MYOM1: variants seen among roughly 807,000 people sequenced by gnomAD.
The protein encoded by MYOM1 is myomesin-1.
MYOM1 carries 164 observed loss-of-function variants against 205.3 expected under a neutral mutation model. The observed-to-expected ratio is 0.80, with a 90% confidence interval of 0.70 to 0.91. The LOEUF is 0.91. MYOM1 is among the 40% of genes least tolerant of loss of function. The probability of loss-of-function intolerance (pLI) is 0.00; values close to 1 mark genes in which losing one functional copy is unlikely to be tolerated. For missense variants in MYOM1, 2,011 were observed against 2,127.3 expected (o/e 0.95, Z 1.08); for synonymous variants, 772 against 789.4 (o/e 0.98, Z 0.37).
At chr18:3,240,361 T>G in the MYOM1 span, among the ~76,000 whole-genome samples, 1 of 152,132 alleles carries the variant, frequency 6.6e-6, no homozygotes, top group Non-Finnish European at 1.5e-5. Flanking sequence ...AGGGATCCGG[T>G]GGGAGGTAAC....
chr18:3,176,303 A>C (rs1567951318), intron 5 of MYOM1, among the ~76,000 whole-genome samples, 169 bp from the exon 6 acceptor site: 5 of 152,214 alleles, frequency 3.3e-5, no homozygotes, highest in African/African-American at 1.2e-4. Context: ...GAAGTGCACC[A>C]GCAATACATC....
chr18:3,072,031 A>G, intron 36 of MYOM1, 142 bp from the exon 37 acceptor site: 1 of 752,970 alleles, frequency 1.3e-6, no homozygotes, highest in Non-Finnish European at 2.2e-6. Context: ...ATGCAAAAAA[A>G]GAAAATGATC....
the MYOM1 span, among the ~76,000 whole-genome samples, chr18:3,225,214 C>T: frequency 6.9e-6 from 1 of 144,818 alleles, no homozygotes; most frequent in Non-Finnish European, 1.5e-5. Context: ...GTCTCGATCT[C>T]CTGACCTCGT....
intron 11 of MYOM1, among the ~76,000 whole-genome samples, chr18:3,153,484 G>A (rs1045996803): frequency 1.4e-4 from 21 of 152,160 alleles, no homozygotes; most frequent in Non-Finnish European, 4.4e-5. Context: ...TTTTCACTAT[G>A]ACTAAGGCCA....
At chr18:3,084,947 A>T (rs2079132176) in intron 31 of MYOM1, 98 bp downstream of exon 31, 6 of 943,526 alleles carry the variant, frequency 6.4e-6, no homozygotes. Context: ...GACAAAAAAA[A>T]TCAGCATGAT....
chr18:3,076,507 T>C (rs1290862436), intron 34 of MYOM1, among the ~76,000 whole-genome samples: 1 of 152,160 alleles, frequency 6.6e-6, no homozygotes, highest in Non-Finnish European at 1.5e-5. Flanking sequence ...CTCTTTCTGT[T>C]ATGCTGTCTG....
chr18:3,139,930 C>T (rs745761971), intron 14 of MYOM1, among the ~76,000 whole-genome samples: 6 of 152,124 alleles, frequency 3.9e-5, no homozygotes, highest in East Asian at 1.9e-4. Context: ...CTGCAGAAAA[C>T]GCCTCCAAAT....
At chr18:3,160,449 G>A (rs907106884) in intron 10 of MYOM1, among the ~76,000 whole-genome samples, 14 of 152,154 alleles carry the variant, frequency 9.2e-5, no homozygotes, top group African/African-American at 3.4e-4. Context: ...GCCTCCCAAA[G>A]TGCTGGGATT....
chr18:3,108,858 T>A (rs773203429), intron 22 of MYOM1, among the ~76,000 whole-genome samples: 14 of 151,878 alleles, frequency 9.2e-5, no homozygotes, highest in Non-Finnish European at 1.9e-4. Context: ...ATTTCAGAAT[T>A]TCTAACATGC....
At chr18:3,069,752 C>T (rs2078939617) in intron 37 of MYOM1, among the ~76,000 whole-genome samples, 1 of 152,112 alleles carries the variant, frequency 6.6e-6, no homozygotes, top group Non-Finnish European at 1.5e-5. Flanking sequence ...CTCCCAAACA[C>T]CTTAGGCATC....
intron 16 of MYOM1, among the ~76,000 whole-genome samples, chr18:3,132,780 G>C (rs186127340): frequency 6.6e-6 from 1 of 152,210 alleles, no homozygotes; most frequent in East Asian, 1.9e-4. Flanking sequence ...TCAATAATGA[G>C]GTGTGAATCC....
intron 21 of MYOM1, among the ~76,000 whole-genome samples, chr18:3,112,721 C>G (rs113769973): frequency 1.3e-5 from 2 of 152,312 alleles, no homozygotes; most frequent in African/African-American, 4.8e-5. Context: ...ACGTAGGTGT[C>G]ACATGCGTTA....
rs201965862 is a variant in MYOM1, at chr18:3,090,663, C to T, written c.4004G>A (p.Gly1335Glu). 3 of 1,613,890 alleles carry T rather than the reference C, an allele frequency of 1.9e-6. No individual in the cohort carries two copies. Among genetic ancestry groups the T allele is most frequent in the Non-Finnish European group, 2.5e-6 (3 of 1,179,840 alleles). Residue 1335 changes from glycine to glutamate, a missense_variant, in exon 27 of 38, where the codon GGA becomes GAA. Transcript: ENST00000356443. The part of the protein sequence containing the change: ...ATNHSTVVLV[G>E]DVFKKLQKEA... ...ATGTTCCACGGAATTCTTACCATCT[C>T]CAACGAGAACAACAGTAGAATGGTT...
chr18:3,102,513 T>C lies in MYOM1; in HGVS notation c.3536A>G (p.Glu1179Gly). Residue 1179 changes from glutamate to glycine, a missense_variant, in exon 23 of 38, where the codon GAG becomes GGG. Transcript: ENST00000356443. ...FSWSKDYVST[E>G]DSPRLEVESK... ...TTCGACTTCCAATCGTGGAGAGTCC[T>C]CAGTGGATACATAATCTTTGGACCA... The C allele has an allele frequency of 3.1e-6, 5 of 1,613,874 alleles. No individual in the cohort carries two copies. Among genetic ancestry groups the C allele is most frequent in the Non-Finnish European group, 4.2e-6 (5 of 1,179,814 alleles).
At chr18:3,142,619 A>G (rs2080067824) in intron 13 of MYOM1, among the ~76,000 whole-genome samples, 1 of 152,074 alleles carries the variant, frequency 6.6e-6, no homozygotes, top group Admixed American at 6.6e-5. Flanking sequence ...TACTCTTCTT[A>G]TCTTTAAATA....
At chr18:3,124,517 G>C (rs2079749410) in intron 19 of MYOM1, among the ~76,000 whole-genome samples, 1 of 151,452 alleles carries the variant, frequency 6.6e-6, no homozygotes, top group African/African-American at 2.4e-5. Flanking sequence ...TTTTAGTAGA[G>C]ACAGGGTTTC....
chr18:3,242,478 C>T, the MYOM1 span, among the ~76,000 whole-genome samples: 4 of 152,176 alleles, frequency 2.6e-5, no homozygotes, highest in Admixed American at 2.6e-4. Flanking sequence ...CATTAAACCT[C>T]TTTCTTTTGT....
chr18:3,178,056 A>G (rs781047005), intron 5 of MYOM1, among the ~76,000 whole-genome samples: 7 of 152,160 alleles, frequency 4.6e-5, no homozygotes, highest in Non-Finnish European at 8.8e-5. Context: ...CTCAGTAGCC[A>G]GTGGCTATGG....
At chr18:3,240,592 T>C in the MYOM1 span, among the ~76,000 whole-genome samples, 4 of 152,360 alleles carry the variant, frequency 2.6e-5, no homozygotes, top group East Asian at 7.7e-4. Flanking sequence ...AATTGCCCAG[T>C]ATCAGGTATG....
Sources: allele counts gnomAD v4.1 joint callset (sites outside exome capture counted in the v4.1 genomes callset), GRCh38; gene constraint gnomAD v4.1.1; transcripts MANE v1.5; gene names NCBI Gene and HGNC (gene_info 2026-07-23, HGNC 2026-07-21).